ORC5: variants seen among roughly 807,000 people sequenced by gnomAD.
ORC5 encodes protein phosphatase 1, regulatory subunit 117.
ORC5 carries 39 observed loss-of-function variants against 58.8 expected under a neutral mutation model. The observed-to-expected ratio is 0.66, with a 90% CI of 0.51 to 0.87. ORC5 has a LOEUF of 0.87. Ranked by LOEUF, ORC5 falls within the 40% of genes least tolerant of loss-of-function variation. The probability of loss-of-function intolerance (pLI) is 0.00; values close to 1 mark genes in which losing one functional copy is unlikely to be tolerated. For missense variants in ORC5, 493 were observed against 506.3 expected (o/e 0.97, Z 0.25); for synonymous variants, 218 against 177.6 (o/e 1.23, Z -1.81).
At position 104,136,830 on chromosome 7, in the gene ORC5, G is replaced by C. The variant is rs991994337; in HGVS notation, c.1213C>G (p.Pro405Ala). ...LVGHDDQLDG[P>A]KYKCTVSLDF... ...AGAGACACTGTGCATTTGTATTTTG[G>C]TCCATCAAGCTGATCGTCATGGCCA... Residue 405 changes from proline to alanine, a missense_variant, in exon 13 of 14, where the codon CCA becomes GCA. Transcript: ENST00000297431. This position sits in a 1 kb window ranked among gnomAD's most constrained non-coding sequence, Gnocchi z 4.2. The C allele has an allele frequency of 8.1e-6, 13 of 1,613,936 alleles. No individual in the cohort carries two copies. Among genetic ancestry groups the C allele is most frequent in the Non-Finnish European group, 9.3e-6 (11 of 1,179,890 alleles).
chr7:104,167,628 TAAGGG>T (rs2061644728), intron 9 of ORC5, among the ~76,000 whole-genome samples: 1 of 152,210 alleles, frequency 6.6e-6, no homozygotes, highest in African/African-American at 2.4e-5. Context: ...CACTGATTCT[TAAGGG>T]AAGGGAAGGA....
intron 12 of ORC5, among the ~76,000 whole-genome samples, chr7:104,150,466 G>A (rs1171019293): frequency 6.6e-6 from 1 of 151,582 alleles, no homozygotes; most frequent in Non-Finnish European, 1.5e-5. Context: ...AGCAGAGGTG[G>A]TAAATGCAGC....
intron 8 of ORC5, among the ~76,000 whole-genome samples, chr7:104,182,396 G>A (rs1799453184): frequency 6.6e-6 from 1 of 151,964 alleles, no homozygotes; most frequent in East Asian, 1.9e-4. Flanking sequence ...ATAGGATAAT[G>A]GTATAATTGA....
intron 5 of ORC5, among the ~76,000 whole-genome samples, chr7:104,189,763 T>C (rs1799632266): frequency 6.6e-6 from 1 of 152,086 alleles, no homozygotes; most frequent in Non-Finnish European, 1.5e-5. Context: ...ATCTGGCTGT[T>C]CATTTGTATC....
chr7:104,204,235 C>T lies in ORC5; in HGVS notation c.73-1G>A. 2 of 1,562,484 alleles carry T rather than the reference C, an allele frequency of 1.3e-6. No homozygotes were observed. The highest frequency in any genetic ancestry group is 2.3e-5 in the East Asian group (1 of 44,368). On this transcript the variant is annotated splice_acceptor_variant, in intron 1 of 13. Transcript: ENST00000297431. LOFTEE classifies it high-confidence loss of function. ...TGGATGGAAAGCTGAAATGATGTCT[C>T]TAACGAGAGAAAAGACAAATATGAG...
chr7:104,157,441 A>G (rs1178029823), intron 12 of ORC5, among the ~76,000 whole-genome samples: 1 of 152,108 alleles, frequency 6.6e-6, no homozygotes, highest in Non-Finnish European at 1.5e-5. Context: ...TTTTGATTAT[A>G]AAATGTTAAT....
At chr7:104,205,342 C>A (rs1336340763) in intron 1 of ORC5, among the ~76,000 whole-genome samples, 1 of 152,020 alleles carries the variant, frequency 6.6e-6, no homozygotes, top group Non-Finnish European at 1.5e-5. Context: ...CCTGCCTCAG[C>A]CTCCCAAAGT....
At position 104,138,786 on chromosome 7, in the gene ORC5, G is replaced by A. The variant is rs1190998131; in HGVS notation, c.1150-1893C>T. 6.6e-6 allele frequency among the ~76,000 whole-genome samples: 1 copy of A among 152,160 alleles called. No individual in the cohort carries two copies. The highest frequency in any genetic ancestry group is 1.5e-5 in the Non-Finnish European group (1 of 68,020). ...CTAGCCTCCCAAAGTGTTGGGATTA[G>A]AGGCGTGAGCCCCCGCACCCAACCA... On this transcript the variant is annotated intron_variant, in intron 12 of 13. Coordinates refer to ENST00000297431, the MANE Select transcript of ORC5 (RefSeq NM_002553.4). This position sits in a 1 kb window ranked among gnomAD's most constrained non-coding sequence, Gnocchi z 4.7.
chr7:104,201,042 C>T (rs1263668856), intron 2 of ORC5, 84 bp from the exon 3 acceptor site: 1 of 1,186,804 alleles, frequency 8.4e-7, no homozygotes, highest in Non-Finnish European at 1.2e-6. Context: ...CTCCATTTGC[C>T]TTTCTAAATC....
At chr7:104,177,295 AAACAT>A (rs1799341203) in intron 8 of ORC5, among the ~76,000 whole-genome samples, 2 of 152,356 alleles carry the variant, frequency 1.3e-5, no homozygotes, top group Admixed American at 6.5e-5. Flanking sequence ...ATAAATTACT[AAACAT>A]AAGTTTGTTC....
intron 12 of ORC5, among the ~76,000 whole-genome samples, chr7:104,155,460 G>A (rs1798908951): frequency 6.6e-6 from 1 of 151,036 alleles, no homozygotes; most frequent in African/African-American, 2.4e-5. Context: ...TAATCTTTCA[G>A]CTGTTTCTTG....
chr7:104,159,277 T>C (rs1331397495), intron 12 of ORC5, among the ~76,000 whole-genome samples: 5 of 122,936 alleles, frequency 4.1e-5, no homozygotes, highest in African/African-American at 1.6e-4. Context: ...AATTGAACAA[T>C]GAGAACACAT....
At chr7:104,176,806 T>A (rs1433605843) in intron 8 of ORC5, among the ~76,000 whole-genome samples, 1 of 152,242 alleles carries the variant, frequency 6.6e-6, no homozygotes, top group Non-Finnish European at 1.5e-5. Context: ...TCTTCAGAAT[T>A]GTCGGCATAA....
In ORC5 at chr7:104,149,529, C is replaced by T. The variant is rs545544820; in HGVS notation, c.1149+11543G>A. ...GATTCAGATTTCATGTTAGAAAATA[C>T]AGAACAAAGTTTTGTTTTTGTTTTT... On this transcript the variant is annotated intron_variant, in intron 12 of 13. Transcript: ENST00000297431. Among the ~76,000 whole-genome samples, 4 of 152,220 alleles carry T rather than the reference C, an allele frequency of 2.6e-5. No homozygotes were observed. In the South Asian group the frequency reaches 8.3e-4, roughly 32 times the overall value.
At chr7:104,169,501 G>A (rs1799171968) in intron 8 of ORC5, among the ~76,000 whole-genome samples, 1 of 149,686 alleles carries the variant, frequency 6.7e-6, no homozygotes, top group Admixed American at 6.6e-5. Flanking sequence ...TCGAAAAAAT[G>A]AATAGTTTAC....
chr7:104,137,282 A>C (rs1017731833), intron 12 of ORC5, among the ~76,000 whole-genome samples: 5 of 151,808 alleles, frequency 3.3e-5, no homozygotes, highest in Non-Finnish European at 5.9e-5. Flanking sequence ...AAAAAAAAAA[A>C]ACAATTTTTT....
intron 11 of ORC5, among the ~76,000 whole-genome samples, chr7:104,162,907 C>T (rs10239281): frequency 0.68 from 102,981 of 152,080 alleles, 35,646 homozygotes; most frequent in Non-Finnish European, 0.76. Flanking sequence ...ACAAACAATA[C>T]ACAGCATTGT....
chr7:104,197,591 A>C, intron 4 of ORC5, 134 bp downstream of exon 4: 1 of 574,864 alleles, frequency 1.7e-6, no homozygotes, highest in Admixed American at 3.8e-5. Flanking sequence ...ACTGAGCTTT[A>C]CTGATAAAAG....
intron 9 of ORC5, among the ~76,000 whole-genome samples, chr7:104,167,724 G>A (rs1380199811): frequency 2.0e-5 from 3 of 152,174 alleles, no homozygotes; most frequent in Admixed American, 2.0e-4. Context: ...AATCTTTGCA[G>A]TAATGCTAAA....
Sources: gnomAD v4.1 joint callset for allele counts (sites outside exome capture counted in the v4.1 genomes callset) on GRCh38, gnomAD v4.1.1 for gene constraint, Gnocchi (gnomAD v3.1) non-coding constraint, MANE v1.5 for transcripts, NCBI Gene and HGNC (gene_info 2026-07-23, HGNC 2026-07-21) for gene names.